Variants in VDAC1 observed in about 807,000 individuals in gnomAD.
The protein encoded by VDAC1 is voltage dependent anion channel 1.
A neutral mutation model predicts 34.7 loss-of-function variants in VDAC1; 10 were observed. The ratio of observed to expected loss-of-function variants is 0.29; its 90% CI spans 0.18 to 0.49. The LOEUF is 0.49. Ranked by LOEUF, VDAC1 falls within the 20% of genes least tolerant of loss-of-function variation. The pLI is 0.99. For missense variants in VDAC1, 230 were observed against 347.9 expected, an observed-to-expected ratio of 0.66 and a Z score of 2.69; for synonymous variants, 130 against 136.0, an observed-to-expected ratio of 0.96 and a Z score of 0.30.
the VDAC1 span, among the ~76,000 whole-genome samples, chr5:134,024,861 C>T: frequency 2.0e-5 from 3 of 152,334 alleles, no homozygotes; most frequent in African/African-American, 7.2e-5. Flanking sequence ...GAGAGAGAGG[C>T]TCAGCTGCCT....
At chr5:134,059,835 G>T in the VDAC1 span, among the ~76,000 whole-genome samples, 1 of 146,484 alleles carries the variant, frequency 6.8e-6, no homozygotes, top group Non-Finnish European at 1.6e-5. Context: ...GGGTTTCTTT[G>T]TTATACATGT....
the VDAC1 span, among the ~76,000 whole-genome samples, chr5:134,045,646 T>TAATC: frequency 6.6e-6 from 1 of 152,110 alleles, no homozygotes. Context: ...TCTGCCTGAA[T>TAATC]AATCCAGGAT....
In VDAC1 at chr5:133,972,302, T is replaced by C. The variant is rs879391621; in HGVS notation, c.*469A>G. On this transcript the variant is annotated 3_prime_UTR_variant, in exon 9 of 9. Transcript: ENST00000265333. ...AGACCTTTTGGTGTAAAAGAGATGA[T>C]GATGAACTGGGGTGGGAACAGGTCA... The C allele has an allele frequency of 3.6e-6, 1 of 276,200 alleles. No individual in the cohort carries two copies. The highest frequency in any genetic ancestry group is 1.7e-4 in the South Asian group (1 of 6,030). 17.1% of individuals were successfully genotyped at this position (276,200 alleles called of 1,614,324 possible).
intron 5 of VDAC1, among the ~76,000 whole-genome samples, chr5:133,983,015 TG>T (rs1210225620): frequency 1.3e-5 from 2 of 151,726 alleles, no homozygotes; most frequent in East Asian, 1.9e-4. Flanking sequence ...TTTGGGAGGC[TG>T]GGGCAGGCGG....
At chr5:134,036,513 A>C in the VDAC1 span, among the ~76,000 whole-genome samples, 1 of 152,092 alleles carries the variant, frequency 6.6e-6, no homozygotes, top group Non-Finnish European at 1.5e-5. Flanking sequence ...CTAAAACACC[A>C]ACCAGAAAAA....
chr5:133,975,824 G>C, intron 7 of VDAC1, 47 bp downstream of exon 7: 2 of 1,604,798 alleles, frequency 1.2e-6, no homozygotes, highest in East Asian at 4.5e-5. Context: ...CCAACATAAA[G>C]AGCAGATGGG....
At chr5:134,050,570 T>C in the VDAC1 span, among the ~76,000 whole-genome samples, 1 of 152,196 alleles carries the variant, frequency 6.6e-6, no homozygotes, top group African/African-American at 2.4e-5. Flanking sequence ...AGGGGAATGA[T>C]TGCCCGTTCT....
chr5:134,010,052 G>GT, the VDAC1 span, among the ~76,000 whole-genome samples: 1 of 152,158 alleles, frequency 6.6e-6, no homozygotes, highest in Non-Finnish European at 1.5e-5. Context: ...CTTTAAGAAA[G>GT]TCATATGAGG....
chr5:134,113,839 G>T, the VDAC1 span, among the ~76,000 whole-genome samples: 34 of 152,254 alleles, frequency 2.2e-4, no homozygotes, highest in African/African-American at 8.2e-4. Flanking sequence ...AGAGTCATGG[G>T]CTCCCTAAAT....
At chr5:134,055,601 T>G in the VDAC1 span, among the ~76,000 whole-genome samples, 3 of 137,898 alleles carry the variant, frequency 2.2e-5, no homozygotes, top group African/African-American at 5.6e-5. Context: ...TTTTTTTTTT[T>G]TTTTTTTTTT....
chr5:134,079,236 C>T, the VDAC1 span, among the ~76,000 whole-genome samples: 1 of 152,196 alleles, frequency 6.6e-6, no homozygotes, highest in Non-Finnish European at 1.5e-5. Flanking sequence ...GCCTCAGCCT[C>T]CCGCAGTGCT....
chr5:134,088,768 G>A, the VDAC1 span, among the ~76,000 whole-genome samples: 1 of 152,128 alleles, frequency 6.6e-6, no homozygotes, highest in Non-Finnish European at 1.5e-5. Context: ...CCTCACTGAA[G>A]GTTACCACTA....
At position 133,973,853 on chromosome 5, in the gene VDAC1, T is replaced by C; in HGVS notation, c.703-5A>G. ...GCTGGAGTTGTTCACTTTAGCCTAA[T>C]CAAGGAAATGACAAAACAGAGAAAA... On this transcript the variant is annotated splice_region_variant and splice_polypyrimidine_tract_variant and intron_variant, in intron 7 of 8. Transcript: ENST00000265333. The C allele has an allele frequency of 6.2e-7, 1 of 1,611,746 alleles. No homozygotes were observed. Among genetic ancestry groups the C allele is most frequent in the Non-Finnish European group, 8.5e-7 (1 of 1,179,384 alleles).
At chr5:134,096,598 CTCT>C in the VDAC1 span, among the ~76,000 whole-genome samples, 5 of 73,888 alleles carry the variant, frequency 6.8e-5, no homozygotes, top group Admixed American at 3.0e-4. Flanking sequence ...CTTTTCTTTT[CTCT>C]TCTTCTTTTT....
chr5:133,972,831 A>C lies in VDAC1; in HGVS notation c.792T>G (p.Asp264Glu), dbSNP rs1752348877. 1.9e-6 allele frequency: 3 copies of C among 1,613,916 alleles called. No homozygotes were observed. The highest frequency in any genetic ancestry group is 2.5e-6 in the Non-Finnish European group (3 of 1,179,802). The change falls in exon 9 of 9, where the codon GAT becomes GAG. Residue 264 changes from aspartate to glutamate, a missense_variant. Physicochemically the swap from Asp to Glu is conservative, Grantham distance 45. Coordinates refer to ENST00000265333, the MANE Select transcript of VDAC1 (RefSeq NM_003374.3). Reference protein sequence around the residue: ...GIKLTLSALLDGKNVNAGGHK... With the variant: ...GIKLTLSALLEGKNVNAGGHK... ...GGCCACCAGCATTGACGTTCTTGCCATCCAGAAGAGCTGACAGTGTCAGTT... is the reference window on the plus strand; with the variant it reads ...GGCCACCAGCATTGACGTTCTTGCCCTCCAGAAGAGCTGACAGTGTCAGTT...
the VDAC1 span, among the ~76,000 whole-genome samples, chr5:134,108,887 A>G: frequency 6.6e-6 from 1 of 152,190 alleles, no homozygotes; most frequent in African/African-American, 2.4e-5. Context: ...GGAAAAGGCC[A>G]CATCCTCTTT....
At chr5:134,097,636 G>A in the VDAC1 span, among the ~76,000 whole-genome samples, 29 of 152,270 alleles carry the variant, frequency 1.9e-4, no homozygotes, top group Middle Eastern at 0.014. Context: ...GCTTGGTCCC[G>A]CAGCCCTCAC....
At chr5:134,040,969 G>C in the VDAC1 span, among the ~76,000 whole-genome samples, 1,345 of 152,308 alleles carry the variant, frequency 8.8e-3, 22 homozygotes, top group African/African-American at 0.03. Flanking sequence ...AGAATCTGTA[G>C]CTTTCACTAA....
upstream of VDAC1, among the ~76,000 whole-genome samples, chr5:134,008,186 T>C (rs1446203165): frequency 1.5e-5 from 2 of 132,540 alleles, no homozygotes; most frequent in African/African-American, 5.7e-5. Context: ...GATGGACCAA[T>C]GAGACCAGAT....
Sources: gnomAD v4.1 joint callset for allele counts (sites outside exome capture counted in the v4.1 genomes callset) on GRCh38, gnomAD v4.1.1 for gene constraint, MANE v1.5 for transcripts, NCBI Gene and HGNC (gene_info 2026-07-23, HGNC 2026-07-21) for gene names.